RPS6KC1: variants seen among roughly 807,000 people sequenced by gnomAD.
The protein encoded by RPS6KC1 is ribosomal protein S6 kinase C1, also known as inactive ribosomal protein S6 kinase delta-1.
In RPS6KC1, 54 loss-of-function variants were observed where a neutral mutation model predicts 103.8. The observed-to-expected ratio is 0.52, with a 90% CI of 0.42 to 0.65. The LOEUF (loss-of-function observed/expected upper bound fraction) is 0.65. Ranked by LOEUF, RPS6KC1 falls within the 30% of genes least tolerant of loss-of-function variation. RPS6KC1 has a pLI of 0.00. For missense variants in RPS6KC1, 1,151 were observed against 1,253.8 expected (o/e 0.92, Z 1.24); for synonymous variants, 439 against 438.7 (o/e 1.00, Z -0.01).
chr1:213,493,970 G>T, the RPS6KC1 span, among the ~76,000 whole-genome samples: 1 of 151,674 alleles, frequency 6.6e-6, no homozygotes. Context: ...CTTGGAACTT[G>T]TTAGAAATGC....
At chr1:213,116,405 G>T in intron 4 of RPS6KC1, among the ~76,000 whole-genome samples, 1 of 48,312 alleles carries the variant, frequency 2.1e-5, no homozygotes, top group Non-Finnish European at 3.6e-5. Flanking sequence ...CCATTTGCTT[G>T]GTAGATCTTC....
chr1:213,368,738 C>T, the RPS6KC1 span, among the ~76,000 whole-genome samples: 1 of 152,174 alleles, frequency 6.6e-6, no homozygotes, highest in Admixed American at 6.5e-5. Flanking sequence ...CCACTTCTAG[C>T]AAAGTCCTGC....
At position 213,062,383 on chromosome 1, in the gene RPS6KC1, C is replaced by CA. The variant is rs1021048538; in HGVS notation, c.106-8615dup. On this transcript the variant is annotated intron_variant, in intron 1 of 14. Transcript: ENST00000366960. ...ATGTATGTGCAAATATTCCAAAATC[C>CA]AAAAAAAATACAAAATCTGAAACAC... Among the ~76,000 whole-genome samples the CA allele has an allele frequency of 8.6e-4, 130 of 151,206 alleles. 1 individual carries two copies. Among genetic ancestry groups the CA allele is most frequent in the Admixed American group, 2.2e-3 (33 of 15,180 alleles).
chr1:213,562,359 G>GTTTTTT, the RPS6KC1 span, among the ~76,000 whole-genome samples: 11 of 36,300 alleles, frequency 3.0e-4, 2 homozygotes, highest in African/African-American at 7.1e-4. Context: ...GAAAAGTTCT[G>GTTTTTT]TTTTTTTTTT....
the RPS6KC1 span, among the ~76,000 whole-genome samples, chr1:213,498,599 C>A: frequency 6.6e-6 from 1 of 151,626 alleles, no homozygotes; most frequent in Non-Finnish European, 1.5e-5. Context: ...GGACTACAGG[C>A]GCCTGCCACC....
chr1:213,289,529 A>G, the RPS6KC1 span, among the ~76,000 whole-genome samples: 1 of 152,194 alleles, frequency 6.6e-6, no homozygotes, highest in Non-Finnish European at 1.5e-5. Flanking sequence ...GAAAGGCACA[A>G]TCTATCCCAA....
At chr1:213,672,001 C>T in the RPS6KC1 span, among the ~76,000 whole-genome samples, 1 of 151,844 alleles carries the variant, frequency 6.6e-6, no homozygotes, top group African/African-American at 2.4e-5. Context: ...GTCCTTGGCT[C>T]TCCACCCCAA....
intron 4 of RPS6KC1, among the ~76,000 whole-genome samples, chr1:213,113,304 T>C (rs1387690389): frequency 6.6e-6 from 1 of 152,142 alleles, no homozygotes; most frequent in African/African-American, 2.4e-5. Context: ...TGCATTTCTC[T>C]GATGGCCAGT....
chr1:213,111,060 G>T (rs974511864), intron 4 of RPS6KC1, among the ~76,000 whole-genome samples: 2 of 151,874 alleles, frequency 1.3e-5, no homozygotes, highest in African/African-American at 2.4e-5. Flanking sequence ...ACTCAGCTGG[G>T]ATGGGGGTTG....
chr1:213,372,025 C>T, the RPS6KC1 span, among the ~76,000 whole-genome samples: 6 of 152,224 alleles, frequency 3.9e-5, no homozygotes, highest in Non-Finnish European at 8.8e-5. Flanking sequence ...AATCACTTCA[C>T]CTCTTCCTTA....
the RPS6KC1 span, among the ~76,000 whole-genome samples, chr1:213,289,646 T>G: frequency 6.6e-6 from 1 of 152,170 alleles, no homozygotes; most frequent in Non-Finnish European, 1.5e-5. Context: ...AAAAGGGACA[T>G]TTCATTTTGG....
chr1:213,835,175 TAGGA>T, the RPS6KC1 span, among the ~76,000 whole-genome samples: 1 of 152,136 alleles, frequency 6.6e-6, no homozygotes, highest in Non-Finnish European at 1.5e-5. Flanking sequence ...AGGAGTGTCC[TAGGA>T]AAAGCCAACA....
intron 1 of RPS6KC1, among the ~76,000 whole-genome samples, chr1:213,061,207 T>A (rs188989161): frequency 1.3e-5 from 2 of 152,302 alleles, no homozygotes; most frequent in African/African-American, 4.8e-5. Context: ...TCAATATGAA[T>A]TTTAGGAGAA....
At chr1:213,552,711 C>T in the RPS6KC1 span, among the ~76,000 whole-genome samples, 2 of 152,276 alleles carry the variant, frequency 1.3e-5, no homozygotes, top group African/African-American at 4.8e-5. Context: ...ACCATCAATG[C>T]CTCTGAAGAT....
the RPS6KC1 span, among the ~76,000 whole-genome samples, chr1:213,407,140 C>T: frequency 6.6e-6 from 1 of 152,056 alleles, no homozygotes; most frequent in Non-Finnish European, 1.5e-5. Flanking sequence ...GGTTGAATTC[C>T]AGGACTGCAT....
chr1:213,768,242 G>C, the RPS6KC1 span, among the ~76,000 whole-genome samples: 1 of 152,282 alleles, frequency 6.6e-6, no homozygotes, highest in African/African-American at 2.4e-5. Context: ...ACGCTGACCA[G>C]TTAAAGAGCA....
chr1:213,204,620 C>CTTT (rs35617516), intron 8 of RPS6KC1, among the ~76,000 whole-genome samples: 36 of 127,644 alleles, frequency 2.8e-4, no homozygotes, highest in Middle Eastern at 3.9e-3. Flanking sequence ...TTAATTGTCA[C>CTTT]TTTTTTTTTT....
chr1:213,171,770 G>A (rs1405210573), intron 7 of RPS6KC1, among the ~76,000 whole-genome samples: 1 of 152,154 alleles, frequency 6.6e-6, no homozygotes, highest in African/African-American at 2.4e-5. Flanking sequence ...GCTTAAGTCA[G>A]TAATAGGTCT....
the RPS6KC1 span, among the ~76,000 whole-genome samples, chr1:213,380,522 T>C: frequency 3.3e-5 from 5 of 151,874 alleles, no homozygotes; most frequent in African/African-American, 1.2e-4. Flanking sequence ...GCTAAAATAG[T>C]AAATATTAAG....
Sources: allele counts gnomAD v4.1 joint callset (sites outside exome capture counted in the v4.1 genomes callset), GRCh38; gene constraint gnomAD v4.1.1; transcripts MANE v1.5; gene names NCBI Gene and HGNC (gene_info 2026-07-23, HGNC 2026-07-21).